The following GRID2 variants were observed in gnomAD, a reference collection of about 807,000 sequenced individuals.
The protein encoded by GRID2 is glutamate receptor ionotropic, delta-2.
GRID2 carries 33 observed loss-of-function variants against 114.8 expected under a neutral mutation model. That is an observed-to-expected ratio of 0.29 (90% CI 0.22 to 0.38). The LOEUF (loss-of-function observed/expected upper bound fraction) is 0.38, where lower values mean the gene tolerates loss of function less well. Ranked by LOEUF, GRID2 falls within the 10% of genes least tolerant of loss-of-function variation. GRID2 has a pLI of 1.00. For missense variants in GRID2, 1,184 were observed against 1,257.7 expected, an observed-to-expected ratio of 0.94 and a Z score of 0.89; for synonymous variants, 505 against 449.9, an observed-to-expected ratio of 1.12 and a Z score of -1.55.
chr4:93,391,954 A>C (rs1482815614), intron 8 of GRID2, among the ~76,000 whole-genome samples: 1 of 152,166 alleles, frequency 6.6e-6, no homozygotes, highest in Non-Finnish European at 1.5e-5. Flanking sequence ...AATGACAGAA[A>C]ATACTATAGG....
At chr4:92,753,227 C>T (rs575733896) in intron 2 of GRID2, among the ~76,000 whole-genome samples, 5 of 152,184 alleles carry the variant, frequency 3.3e-5, no homozygotes, top group Admixed American at 1.3e-4. Context: ...AAGTCCTTGG[C>T]CTGGTTTTAT....
chr4:93,661,077 G>T (rs955591097), intron 14 of GRID2, among the ~76,000 whole-genome samples: 1 of 152,198 alleles, frequency 6.6e-6, no homozygotes, highest in Non-Finnish European at 1.5e-5. Context: ...GTTGTCCCCA[G>T]ATATGCAGAA....
chr4:92,621,610 A>G (rs941627014), intron 2 of GRID2, among the ~76,000 whole-genome samples: 19 of 151,716 alleles, frequency 1.3e-4, no homozygotes, highest in African/African-American at 4.1e-4. Context: ...GCAGTAAACT[A>G]TATTACATCA....
At chr4:92,956,812 C>T (rs943495585) in intron 2 of GRID2, among the ~76,000 whole-genome samples, 2 of 152,172 alleles carry the variant, frequency 1.3e-5, no homozygotes, top group African/African-American at 2.4e-5. Context: ...TCCTCCCCAG[C>T]ATTTGGTATT....
chr4:93,381,251 C>T (rs923891270), intron 8 of GRID2, among the ~76,000 whole-genome samples: 1 of 151,998 alleles, frequency 6.6e-6, no homozygotes, highest in African/African-American at 2.4e-5. Flanking sequence ...CTGTCCAGCC[C>T]GTGGCAACTG....
chr4:93,781,059 T>C (rs1352181922), intron 1 of GRID2, among the ~76,000 whole-genome samples: 4 of 152,198 alleles, frequency 2.6e-5, no homozygotes, highest in Non-Finnish European at 4.4e-5. Flanking sequence ...ATTTCTCAAA[T>C]TCAGATGCCA....
rs1411700461 is a variant in GRID2 at position 93,643,880 on chromosome 4, G to C, written c.2360+17445G>C. Among the ~76,000 whole-genome samples the C allele has an allele frequency of 2.0e-5, 2 of 97,928 alleles. 1 individual carries two copies. Among genetic ancestry groups the C allele is most frequent in the Non-Finnish European group, 4.0e-5 (2 of 50,562 alleles). The allele number at this position is 97,928 out of a possible 152,430, so 64.2% of individuals were successfully genotyped here. On this transcript the variant is annotated intron_variant, in intron 14 of 15. Transcript: ENST00000282020. ...CAGGCTGCTTTGTTTACCTAAGCAAGCCTGGGCAATGGCGGGCGCCCCTCC... is the reference window on the plus strand; with the variant it reads ...CAGGCTGCTTTGTTTACCTAAGCAACCCTGGGCAATGGCGGGCGCCCCTCC...
chr4:92,690,361 C>G (rs933510956), intron 2 of GRID2, among the ~76,000 whole-genome samples: 3 of 152,090 alleles, frequency 2.0e-5, no homozygotes, highest in African/African-American at 7.2e-5. Context: ...GTGGAGCTGT[C>G]AGGACACAAA....
intron 4 of GRID2, chr4:93,112,218 G>C (rs768738665): frequency 3.9e-5 from 6 of 152,114 alleles, no homozygotes; most frequent in Non-Finnish European, 8.8e-5. Flanking sequence ...TGTTGGAGGA[G>C]ATCAGAGAAA....
intron 1 of GRID2, among the ~76,000 whole-genome samples, chr4:92,584,912 A>T (rs539079721): frequency 6.6e-6 from 1 of 152,196 alleles, no homozygotes; most frequent in African/African-American, 2.4e-5. Context: ...ACTACAATTT[A>T]TGAAGCATGA....
intron 11 of GRID2, among the ~76,000 whole-genome samples, chr4:93,479,567 C>G (rs72668766): frequency 0.014 from 2,156 of 152,196 alleles, 19 homozygotes; most frequent in South Asian, 0.056. Context: ...GGCCAAAGGC[C>G]TGAGAACCTG....
intron 8 of GRID2, chr4:93,306,431 A>G (rs957157341): frequency 7.2e-5 from 11 of 152,238 alleles, no homozygotes; most frequent in African/African-American, 2.7e-4. Flanking sequence ...GAGATGTGAC[A>G]TGGGAGAGGA....
chr4:93,318,865 G>A (rs1042042040), intron 8 of GRID2: 3 of 152,070 alleles, frequency 2.0e-5, no homozygotes, highest in Non-Finnish European at 4.4e-5. Flanking sequence ...CAGCCACCTG[G>A]ATTTACTATT....
intron 14 of GRID2, among the ~76,000 whole-genome samples, chr4:93,677,750 G>T (rs1725052632): frequency 6.6e-6 from 1 of 152,104 alleles, no homozygotes; most frequent in African/African-American, 2.4e-5. Flanking sequence ...CTAACAAACA[G>T]AAAGGACATC....
chr4:92,368,592 T>C (rs2110213955), intron 1 of GRID2, among the ~76,000 whole-genome samples: 1 of 152,224 alleles, frequency 6.6e-6, no homozygotes, highest in Admixed American at 6.6e-5. Context: ...CTGTGGTTTA[T>C]AGGAAACCTA....
At chr4:92,973,369 A>G (rs1753647838) in intron 2 of GRID2, among the ~76,000 whole-genome samples, 1 of 152,230 alleles carries the variant, frequency 6.6e-6, no homozygotes, top group Admixed American at 6.5e-5. Flanking sequence ...TCATAAGAAC[A>G]GAGAAATAGT....
At chr4:93,451,697 G>A (rs1722702669) in intron 10 of GRID2, among the ~76,000 whole-genome samples, 2 of 152,080 alleles carry the variant, frequency 1.3e-5, no homozygotes, top group Admixed American at 1.3e-4. Context: ...CTTACAAGGA[G>A]CTGGAGCCTA....
intron 14 of GRID2, among the ~76,000 whole-genome samples, chr4:93,681,783 G>T (rs1725568166): frequency 6.6e-6 from 1 of 152,178 alleles, no homozygotes; most frequent in Non-Finnish European, 1.5e-5. Context: ...ATTAATTCAA[G>T]TTGGATTAAA....
chr4:93,506,479 A>C (rs920039434), intron 12 of GRID2, among the ~76,000 whole-genome samples: 1 of 151,982 alleles, frequency 6.6e-6, no homozygotes, highest in African/African-American at 2.4e-5. Context: ...TGAAATAGAC[A>C]CTCTAAAGGA....
Sources: gnomAD v4.1 joint callset for allele counts (sites outside exome capture counted in the v4.1 genomes callset) on GRCh38, gnomAD v4.1.1 for gene constraint, MANE v1.5 for transcripts, NCBI Gene and HGNC (gene_info 2026-07-23, HGNC 2026-07-21) for gene names.